Variants in RBFOX1 observed in about 807,000 individuals in gnomAD.
RBFOX1 encodes RNA binding protein fox-1 homolog 1.
Under a neutral mutation model 57.7 loss-of-function variants are expected in RBFOX1, and 8 were observed. The ratio of observed to expected loss-of-function variants is 0.14; its 90% confidence interval spans 0.08 to 0.25. The LOEUF is 0.25. Among genes scored for constraint, RBFOX1 ranks in the 10% least tolerant of loss-of-function variants. The pLI is 1.00. For missense variants in RBFOX1, 611 were observed against 548.5 expected (o/e 1.11, Z -1.14); for synonymous variants, 326 against 222.4 (o/e 1.47, Z -4.15).
intron 3 of RBFOX1, among the ~76,000 whole-genome samples, chr16:5,759,909 GT>G (rs1182316132): frequency 6.6e-6 from 1 of 151,094 alleles, no homozygotes; most frequent in Non-Finnish European, 1.5e-5. Flanking sequence ...CAGTTTTACT[GT>G]TTAAAACTTC....
chr16:6,551,523 C>T (rs1396656248), intron 2 of RBFOX1, among the ~76,000 whole-genome samples: 3 of 152,182 alleles, frequency 2.0e-5, no homozygotes, highest in South Asian at 2.1e-4. Flanking sequence ...CTCATGAAGT[C>T]TGCAGGCTGG....
At position 6,020,005 on chromosome 16, in the gene RBFOX1, G is replaced by A; in HGVS notation, c.-127+13G>A. The A allele has an allele frequency of 4.0e-6, 6 of 1,514,300 alleles. No homozygotes were observed. The highest frequency in any genetic ancestry group is 2.5e-5 in the East Asian group (1 of 40,122). 93.8% of individuals were successfully genotyped at this position (1,514,300 alleles called of 1,614,324 possible). On this transcript the variant is annotated intron_variant, in intron 1 of 15. Transcript: ENST00000550418. Reference sequence around the variant, plus strand: ...CCGGGAGTTCTAGGTAAGTCCAGGCGGAGTCATTGCCTCTGCACCCACCCT... The same window carrying A: ...CCGGGAGTTCTAGGTAAGTCCAGGCAGAGTCATTGCCTCTGCACCCACCCT...
intron 2 of RBFOX1, among the ~76,000 whole-genome samples, chr16:6,575,513 C>T (rs138851771): frequency 4.9e-4 from 75 of 152,232 alleles, no homozygotes; most frequent in African/African-American, 1.8e-3. Context: ...ACCCAAAACA[C>T]TTCTAAAATT....
intron 4 of RBFOX1, among the ~76,000 whole-genome samples, chr16:7,058,902 T>C (rs997167749): frequency 7.2e-5 from 11 of 152,206 alleles, no homozygotes; most frequent in African/African-American, 2.7e-4. Flanking sequence ...CCCGCAGTTA[T>C]GACAAAGATT....
intron 2 of RBFOX1, among the ~76,000 whole-genome samples, chr16:5,527,990 T>A (rs1372335269): frequency 1.3e-5 from 2 of 152,198 alleles, no homozygotes; most frequent in Non-Finnish European, 2.9e-5. Context: ...AAACAGCCCC[T>A]CAGAGCACCT....
At chr16:6,586,263 A>C (rs1392719418) in intron 2 of RBFOX1, among the ~76,000 whole-genome samples, 2 of 152,188 alleles carry the variant, frequency 1.3e-5, no homozygotes, top group African/African-American at 2.4e-5. Context: ...AATTTCTTTG[A>C]ACCACTCGTC....
At chr16:6,801,509 G>A (rs1409261292) in intron 3 of RBFOX1, among the ~76,000 whole-genome samples, 1 of 152,114 alleles carries the variant, frequency 6.6e-6, no homozygotes, top group Non-Finnish European at 1.5e-5. Flanking sequence ...ATAAAATTCT[G>A]CTTGTCATGG....
chr16:6,127,748 T>C (rs1255784292), intron 1 of RBFOX1, among the ~76,000 whole-genome samples: 1 of 152,046 alleles, frequency 6.6e-6, no homozygotes, highest in African/African-American at 2.4e-5. Context: ...CCGGGAAAAA[T>C]GGGATGTTAA....
At chr16:6,085,227 A>G (rs1433244889) in intron 1 of RBFOX1, among the ~76,000 whole-genome samples, 2 of 152,100 alleles carry the variant, frequency 1.3e-5, no homozygotes, top group Non-Finnish European at 2.9e-5. Context: ...TTTTGGTTAG[A>G]AACATTGGCC....
At chr16:5,526,702 C>G (rs1334530402) in intron 2 of RBFOX1, among the ~76,000 whole-genome samples, 1 of 152,206 alleles carries the variant, frequency 6.6e-6, no homozygotes, top group East Asian at 1.9e-4. Context: ...GTTTGAACAT[C>G]TAACCCCCCT....
At chr16:5,701,570 C>G (rs1596829924) in intron 3 of RBFOX1, among the ~76,000 whole-genome samples, 2 of 152,148 alleles carry the variant, frequency 1.3e-5, no homozygotes, top group Non-Finnish European at 2.9e-5. Flanking sequence ...GCTGGGACTC[C>G]AGGCACACTG....
At chr16:5,810,332 T>TAA (rs1308090427) in intron 3 of RBFOX1, among the ~76,000 whole-genome samples, 5 of 151,890 alleles carry the variant, frequency 3.3e-5, no homozygotes, top group African/African-American at 7.3e-5. Flanking sequence ...TAATAATAAT[T>TAA]AAAAAAAGAT....
intron 5 of RBFOX1, among the ~76,000 whole-genome samples, chr16:7,578,597 G>A (rs1268057021): frequency 6.6e-6 from 1 of 152,016 alleles, no homozygotes; most frequent in Non-Finnish European, 1.5e-5. Flanking sequence ...TTTACACCTG[G>A]CTGCCTACAT....
At chr16:5,657,950 T>G (rs921540977) in intron 3 of RBFOX1, among the ~76,000 whole-genome samples, 1 of 152,016 alleles carries the variant, frequency 6.6e-6, no homozygotes, top group Non-Finnish European at 1.5e-5. Flanking sequence ...CAGGCTGGTC[T>G]TGAACTCCTG....
chr16:5,674,059 C>G (rs2050095073), intron 3 of RBFOX1, among the ~76,000 whole-genome samples: 1 of 152,272 alleles, frequency 6.6e-6, no homozygotes. Context: ...ATCATTCATT[C>G]TTGGTTGTCC....
intron 14 of RBFOX1, among the ~76,000 whole-genome samples, chr16:7,697,967 A>G (rs1385683316): frequency 6.6e-6 from 1 of 152,142 alleles, no homozygotes; most frequent in Non-Finnish European, 1.5e-5. Flanking sequence ...TGCTGGGAGT[A>G]CTGGTGTAGT....
intron 4 of RBFOX1, among the ~76,000 whole-genome samples, chr16:7,128,215 A>T (rs2069133423): frequency 6.6e-6 from 1 of 152,206 alleles, no homozygotes; most frequent in Non-Finnish European, 1.5e-5. Flanking sequence ...AATAGCATGT[A>T]TTAAGTGCCA....
chr16:6,103,933 G>A (rs1312553245), intron 1 of RBFOX1, among the ~76,000 whole-genome samples: 1 of 152,096 alleles, frequency 6.6e-6, no homozygotes, highest in Non-Finnish European at 1.5e-5. Flanking sequence ...TTGACTCTGG[G>A]CTATTACTTC....
intron 4 of RBFOX1, among the ~76,000 whole-genome samples, chr16:7,504,741 A>ATATATATATATT (rs1567554011): frequency 0.028 from 289 of 10,258 alleles, 11 homozygotes; most frequent in South Asian, 0.059. Context: ...ATATATATAT[A>ATATATATATATT]TATATATATA....
Sources: gnomAD v4.1 joint callset for allele counts (sites outside exome capture counted in the v4.1 genomes callset) on GRCh38, gnomAD v4.1.1 for gene constraint, MANE v1.5 for transcripts, NCBI Gene and HGNC (gene_info 2026-07-23, HGNC 2026-07-21) for gene names.